BICD1: variants seen among roughly 807,000 people sequenced by gnomAD.
The protein encoded by BICD1 is protein bicaudal D homolog 1.
In BICD1, 35 loss-of-function variants were observed where a neutral mutation model predicts 92.5. The observed-to-expected ratio is 0.38, with a 90% CI of 0.29 to 0.50. BICD1 has a LOEUF of 0.50. Ranked by LOEUF, BICD1 falls within the 20% of genes least tolerant of loss-of-function variation. The pLI is 0.93. For missense variants in BICD1, 950 were observed against 1,189.8 expected, an observed-to-expected ratio of 0.80 and a Z score of 2.97; for synonymous variants, 429 against 465.1, an observed-to-expected ratio of 0.92 and a Z score of 1.00.
intron 4 of BICD1, among the ~76,000 whole-genome samples, chr12:32,314,979 A>G (rs2136233768): frequency 6.6e-6 from 1 of 151,870 alleles, no homozygotes; most frequent in South Asian, 2.1e-4. Flanking sequence ...TGTCTAGTGT[A>G]TTTTTTTCTT....
At chr12:32,276,516 G>A (rs952801337) in intron 2 of BICD1, among the ~76,000 whole-genome samples, 1 of 152,134 alleles carries the variant, frequency 6.6e-6, no homozygotes, top group Admixed American at 6.5e-5. Context: ...TACAGAAATA[G>A]CCAATCATCT....
At position 32,379,845 on chromosome 12, in the gene BICD1, G is replaced by A. The variant is rs529419292; in HGVS notation, c.*2218G>A. 1 of 152,184 alleles carries A rather than the reference G, an allele frequency of 6.6e-6. No homozygotes were observed. Among genetic ancestry groups the A allele is most frequent in the Non-Finnish European group, 1.5e-5 (1 of 68,038 alleles). 9.4% of individuals were successfully genotyped at this position (152,184 alleles called of 1,614,324 possible). A position where few individuals can be genotyped will look rare whatever the true frequency, so the allele number is the denominator to read the frequency against. On this transcript the variant is annotated 3_prime_UTR_variant, in exon 10 of 10. Transcript: ENST00000652176. ...GTTTGGTGGGACTGGGAGTTCAGCA[G>A]GAAGTATTGTCTGTGTGTGATGACG...
intron 2 of BICD1, among the ~76,000 whole-genome samples, chr12:32,276,422 T>C (rs1947278618): frequency 6.6e-6 from 1 of 152,168 alleles, no homozygotes; most frequent in Non-Finnish European, 1.5e-5. Context: ...GGTGACCGCA[T>C]CCACCTTTAA....
At chr12:32,148,114 C>CCTGGGTGA (rs1943169302) in intron 1 of BICD1, among the ~76,000 whole-genome samples, 1 of 125,646 alleles carries the variant, frequency 8.0e-6, no homozygotes, top group African/African-American at 3.0e-5. Flanking sequence ...CACACTCTAG[C>CCTGGGTGA]CTGGGTGACA....
At chr12:32,125,849 C>G (rs1318257047) in intron 1 of BICD1, among the ~76,000 whole-genome samples, 1 of 149,658 alleles carries the variant, frequency 6.7e-6, no homozygotes, top group African/African-American at 2.5e-5. Flanking sequence ...TGAGACCTGC[C>G]GGGGCAACAT....
At chr12:32,276,257 C>T (rs1334408920) in intron 2 of BICD1, among the ~76,000 whole-genome samples, 1 of 152,152 alleles carries the variant, frequency 6.6e-6, no homozygotes, top group Non-Finnish European at 1.5e-5. Context: ...AACTACACAA[C>T]ACCTACTATG....
rs1565709102 is a variant in BICD1 at position 32,380,079 on chromosome 12, T to C, written c.*2452T>C. The stretch of plus-strand genomic sequence containing the variant: ...TGAAATACTAATTCTATGAAAATAA[T>C]AATTTTAGTGAATCTTTGCCAAGAA... On this transcript the variant is annotated 3_prime_UTR_variant, in exon 10 of 10. Transcript: ENST00000652176. 6.6e-6 allele frequency: 1 copy of C among 152,268 alleles called. No homozygotes were observed. Among genetic ancestry groups the C allele is most frequent in the Non-Finnish European group, 1.5e-5 (1 of 68,046 alleles). 9.4% of individuals were successfully genotyped at this position (152,268 alleles called of 1,614,324 possible).
Position 32,128,370 on chromosome 12 carries a change from C to T in BICD1, c.213+20826C>T, listed in dbSNP as rs995415145. Among the ~76,000 whole-genome samples the T allele has an allele frequency of 2.0e-5, 3 of 152,186 alleles. No homozygotes were observed. The East Asian group carries it at 5.8e-4, about 29-fold the overall frequency. On this transcript the variant is annotated intron_variant, in intron 1 of 9. Coordinates refer to ENST00000652176, the MANE Select transcript of BICD1 (RefSeq NM_001714.4). ...CTGAAATATTGCCTCTAGTGCTGAACAAATTCTTCCCTTGGTTATTTTCCT... is the reference window on the plus strand; with the variant it reads ...CTGAAATATTGCCTCTAGTGCTGAATAAATTCTTCCCTTGGTTATTTTCCT...
intron 3 of BICD1, among the ~76,000 whole-genome samples, chr12:32,304,378 A>G (rs549570358): frequency 6.6e-6 from 1 of 152,190 alleles, no homozygotes; most frequent in East Asian, 1.9e-4. Flanking sequence ...TATCATGATG[A>G]CTTTATTTTA....
intron 2 of BICD1, among the ~76,000 whole-genome samples, chr12:32,228,592 T>C (rs777542144): frequency 6.6e-6 from 1 of 152,182 alleles, no homozygotes; most frequent in Non-Finnish European, 1.5e-5. Flanking sequence ...GTCATCCAGA[T>C]ATGCAAAAAT....
chr12:32,327,327 A>G, intron 4 of BICD1, 134 bp from the exon 5 acceptor site: 6 of 1,123,172 alleles, frequency 5.3e-6, no homozygotes, highest in South Asian at 1.9e-5. Context: ...AAACACTCCA[A>G]TTTAATTTGA....
At chr12:32,260,436 A>G (rs1310373211) in intron 2 of BICD1, among the ~76,000 whole-genome samples, 2 of 152,142 alleles carry the variant, frequency 1.3e-5, no homozygotes, top group Admixed American at 1.3e-4. Flanking sequence ...GTGCCTTTCA[A>G]ACATTTTTTA....
chr12:32,109,683 T>A (rs959752726), intron 1 of BICD1: 4 of 151,964 alleles, frequency 2.6e-5, no homozygotes, highest in African/African-American at 9.7e-5. Flanking sequence ...GTTTATACAG[T>A]TATATAAAAA....
chr12:32,307,701 A>G (rs1948267415), intron 4 of BICD1, among the ~76,000 whole-genome samples: 1 of 152,218 alleles, frequency 6.6e-6, no homozygotes. Flanking sequence ...ACAGAGAGCC[A>G]ATGATGTTGA....
At chr12:32,166,023 A>G (rs893206355) in intron 1 of BICD1, among the ~76,000 whole-genome samples, 25 of 152,150 alleles carry the variant, frequency 1.6e-4, no homozygotes, top group African/African-American at 5.8e-4. Context: ...CAGAGATTGT[A>G]GAGATTTTAT....
chr12:32,304,592 AAG>A (rs1948160642), intron 3 of BICD1, among the ~76,000 whole-genome samples: 1 of 152,218 alleles, frequency 6.6e-6, no homozygotes, highest in Non-Finnish European at 1.5e-5. Flanking sequence ...GGCATGTGAT[AAG>A]TGCCATGGAA....
At chr12:32,255,438 T>TA (rs575534534) in intron 2 of BICD1, among the ~76,000 whole-genome samples, 134 of 152,322 alleles carry the variant, frequency 8.8e-4, no homozygotes, top group African/African-American at 3.1e-3. Flanking sequence ...GCCAAAATCT[T>TA]ACCTCTTAAG....
chr12:32,316,811 T>C (rs1009798990), intron 4 of BICD1, among the ~76,000 whole-genome samples: 4 of 152,054 alleles, frequency 2.6e-5, no homozygotes, highest in African/African-American at 7.2e-5. Context: ...CCCATTAACT[T>C]GTCATTTAGC....
At chr12:32,117,758 A>ATTTTTT (rs1180018434) in intron 1 of BICD1, among the ~76,000 whole-genome samples, 3 of 107,908 alleles carry the variant, frequency 2.8e-5, no homozygotes, top group African/African-American at 9.6e-5. Context: ...ATATATATAT[A>ATTTTTT]TTTTTTTTTA....
Sources: gnomAD v4.1 joint callset for allele counts (sites outside exome capture counted in the v4.1 genomes callset) on GRCh38, gnomAD v4.1.1 for gene constraint, MANE v1.5 for transcripts, NCBI Gene and HGNC (gene_info 2026-07-23, HGNC 2026-07-21) for gene names.